Variants in KCNH7 observed in about 807,000 individuals in gnomAD.
KCNH7 encodes the protein potassium voltage-gated channel subfamily H member 7, also known as voltage-gated inwardly rectifying potassium channel KCNH7.
Under a neutral mutation model 120.8 loss-of-function variants are expected in KCNH7, and 49 were observed. The observed-to-expected ratio is 0.41, with a 90% CI of 0.32 to 0.51. KCNH7 has a LOEUF of 0.51. KCNH7 is among the 20% of genes least tolerant of loss of function. The pLI, the probability that KCNH7 is intolerant of heterozygous loss-of-function variation, is 0.38. For synonymous variants in KCNH7, 547 were observed against 516.1 expected (o/e 1.06, Z -0.81); for missense variants, 1,097 against 1,446.6 (o/e 0.76, Z 3.92).
chr2:162,408,439 T>C lies in KCNH7; in HGVS notation c.2155-7998A>G, dbSNP rs185870458. 2.6e-3 allele frequency among the ~76,000 whole-genome samples: 402 copies of C among 152,094 alleles called. 2 individuals are homozygous for C. Among genetic ancestry groups the C allele is most frequent in the African/African-American group, 9.2e-3 (382 of 41,540 alleles). On this transcript the variant is annotated intron_variant, in intron 9 of 15. Transcript: ENST00000332142. The stretch of plus-strand genomic sequence containing the variant: ...ACAAATTCCCCTCCTATAAAATGTA[T>C]TGACTGTTAACTTGGCACTCCGAAT...
chr2:162,682,213 A>G (rs1685735160), intron 2 of KCNH7, among the ~76,000 whole-genome samples: 1 of 151,710 alleles, frequency 6.6e-6, no homozygotes, highest in Non-Finnish European at 1.5e-5. Flanking sequence ...ATTGAAAAAA[A>G]TATGTATCTG....
At chr2:162,470,520 C>T (rs190268940) in intron 6 of KCNH7, among the ~76,000 whole-genome samples, 1,794 of 152,054 alleles carry the variant, frequency 0.012, 18 homozygotes, top group South Asian at 0.023. Flanking sequence ...GCAGCCACCC[C>T]GTCTAGGAAG....
chr2:162,765,011 A>G (rs934303384), intron 2 of KCNH7, among the ~76,000 whole-genome samples: 5 of 151,972 alleles, frequency 3.3e-5, no homozygotes, highest in African/African-American at 1.2e-4. Flanking sequence ...AAATGTCACA[A>G]TGCTGACATG....
intron 2 of KCNH7, among the ~76,000 whole-genome samples, chr2:162,658,164 C>A: frequency 6.6e-6 from 1 of 151,680 alleles, no homozygotes; most frequent in East Asian, 2.0e-4. Flanking sequence ...TCTACTGGTA[C>A]AGGCTCAGCT....
At chr2:162,500,095 T>A (rs1265279677) in intron 6 of KCNH7, among the ~76,000 whole-genome samples, 1 of 150,328 alleles carries the variant, frequency 6.7e-6, no homozygotes, top group Non-Finnish European at 1.5e-5. Flanking sequence ...CACCTAGCAC[T>A]GTGTGTGTTT....
chr2:162,596,766 T>A (rs1694393608), intron 2 of KCNH7, among the ~76,000 whole-genome samples: 1 of 151,874 alleles, frequency 6.6e-6, no homozygotes, highest in Non-Finnish European at 1.5e-5. Flanking sequence ...AGTGAAGAGA[T>A]GATCTATGGA....
rs1241079784 is a variant in KCNH7 at position 162,371,964 on chromosome 2, TAAAG to T, written c.3452_3455del (p.Ser1151Ter). The T allele has an allele frequency of 6.2e-7, 1 of 1,613,786 alleles. No individual in the cohort carries two copies. The highest frequency in any genetic ancestry group is 8.5e-7 in the Non-Finnish European group (1 of 1,179,894). On this transcript the variant is annotated frameshift_variant, in exon 16 of 16. Transcript: ENST00000332142. LOFTEE classifies it high-confidence loss of function. ...TTTTTCTTTGCCGCAGGTGAAGCTCTAAAGAGAGATCACTGTCTTGTTTTAAAAG... is the reference window on the plus strand; with the variant it reads ...TTTTTCTTTGCCGCAGGTGAAGCTCTAGAGATCACTGTCTTGTTTTAAAAG...
intron 2 of KCNH7, among the ~76,000 whole-genome samples, chr2:162,618,887 C>G (rs566432849): frequency 6.6e-6 from 1 of 152,288 alleles, no homozygotes; most frequent in South Asian, 2.1e-4. Context: ...AAACATTAGA[C>G]TAAGCAGTGT....
At position 162,593,168 on chromosome 2, in the gene KCNH7, T is replaced by C. The variant is rs145195683; in HGVS notation, c.308-56088A>G. Among the ~76,000 whole-genome samples the C allele has an allele frequency of 3.1e-3, 467 of 152,210 alleles. 2 individuals carry two copies. The highest frequency in any genetic ancestry group is 0.011 in the African/African-American group (445 of 41,566). On this transcript the variant is annotated intron_variant, in intron 2 of 15. Coordinates refer to ENST00000332142, the MANE Select transcript of KCNH7 (RefSeq NM_033272.4). ...TAATAACATTCTTAGTTCGAGGGTA[T>C]ATAAAAAACAAGGGGCAGGCCTGTG... is the stretch of plus-strand genomic sequence containing the variant.
At chr2:162,453,433 T>C (rs1438746200) in intron 6 of KCNH7, among the ~76,000 whole-genome samples, 2 of 152,194 alleles carry the variant, frequency 1.3e-5, no homozygotes, top group Non-Finnish European at 1.5e-5. Context: ...TACATGTGCA[T>C]GTGTCTTTAT....
intron 6 of KCNH7, among the ~76,000 whole-genome samples, chr2:162,458,117 G>GTGTGTGTGTA (rs1553478824): frequency 3.2e-4 from 49 of 151,746 alleles, no homozygotes; most frequent in African/African-American, 1.2e-3. Context: ...GTGTGTGTGT[G>GTGTGTGTGTA]TGTGTGTGTG....
At chr2:162,605,815 A>C (rs999860758) in intron 2 of KCNH7, among the ~76,000 whole-genome samples, 10 of 152,084 alleles carry the variant, frequency 6.6e-5, no homozygotes, top group Non-Finnish European at 1.5e-4. Flanking sequence ...TCTATTATTG[A>C]GCTTGATAAT....
chr2:162,529,836 T>C (rs1691854157), intron 3 of KCNH7, among the ~76,000 whole-genome samples: 1 of 151,948 alleles, frequency 6.6e-6, no homozygotes, highest in Non-Finnish European at 1.5e-5. Flanking sequence ...GCAAACTTTT[T>C]ACAGAAGACT....
chr2:162,658,610 G>T (rs1345833285), intron 2 of KCNH7, among the ~76,000 whole-genome samples: 1 of 152,044 alleles, frequency 6.6e-6, no homozygotes, highest in African/African-American at 2.4e-5. Context: ...TGAACATGGG[G>T]TTTCTCTTCG....
In KCNH7 at chr2:162,763,782, G is replaced by GT. The variant is rs769958430; in HGVS notation, c.307+72754dup. 3.8e-3 allele frequency among the ~76,000 whole-genome samples: 538 copies of GT among 141,998 alleles called. 3 individuals carry two copies. The highest frequency in any genetic ancestry group is 0.016 in the East Asian group (75 of 4,768). The allele number at this position is 141,998 out of a possible 152,430, so 93.2% of individuals were successfully genotyped here. On this transcript the variant is annotated intron_variant, in intron 2 of 15. Transcript: ENST00000332142. ...GTGTGTGTGTGTGTGTTTTGCTTTT[G>GT]TTTTTTTTTACTACTTATGCTTATT...
At chr2:162,604,848 T>G (rs1026924444) in intron 2 of KCNH7, among the ~76,000 whole-genome samples, 2 of 152,068 alleles carry the variant, frequency 1.3e-5, no homozygotes, top group African/African-American at 4.8e-5. Flanking sequence ...ACAATTCCAT[T>G]GACCTGCAAA....
intron 2 of KCNH7, among the ~76,000 whole-genome samples, chr2:162,542,924 CT>C (rs1275326766): frequency 2.6e-5 from 4 of 152,168 alleles, no homozygotes; most frequent in Admixed American, 2.6e-4. Context: ...TGTTTCCTGA[CT>C]TTTTAATGAT....
intron 6 of KCNH7, among the ~76,000 whole-genome samples, chr2:162,473,255 T>C (rs1689626442): frequency 1.3e-5 from 2 of 151,428 alleles, no homozygotes; most frequent in South Asian, 4.2e-4. Flanking sequence ...TAAAAAATAC[T>C]AGAATCATAA....
chr2:162,644,967 A>G (rs1415296037), intron 2 of KCNH7, among the ~76,000 whole-genome samples: 2 of 152,284 alleles, frequency 1.3e-5, no homozygotes, highest in East Asian at 1.9e-4. Flanking sequence ...GTGTGTGTGT[A>G]TATATAAATT....
Sources: gnomAD v4.1 joint callset for allele counts (sites outside exome capture counted in the v4.1 genomes callset) on GRCh38, gnomAD v4.1.1 for gene constraint, MANE v1.5 for transcripts, NCBI Gene and HGNC (gene_info 2026-07-23, HGNC 2026-07-21) for gene names.